SPEN: variants seen among roughly 807,000 people sequenced by gnomAD.
The protein encoded by SPEN is msx2-interacting protein.
Under a neutral mutation model 269.9 loss-of-function variants are expected in SPEN, and 18 were observed. That is an observed-to-expected ratio of 0.07 (90% confidence interval 0.05 to 0.10). SPEN has a LOEUF of 0.10. SPEN is among the 10% of genes least tolerant of loss of function. The probability of loss-of-function intolerance (pLI) is 1.00; values close to 1 mark genes in which losing one functional copy is unlikely to be tolerated. For synonymous variants in SPEN, 1,726 were observed against 1,765.7 expected, an observed-to-expected ratio of 0.98 and a Z score of 0.56; for missense variants, 3,822 against 4,631.2, an observed-to-expected ratio of 0.83 and a Z score of 5.07.
chr1:15,931,269 G>C lies in SPEN; in HGVS notation c.5029G>C (p.Ala1677Pro). Residue 1677 changes from alanine (A) to proline (P), a missense_variant, in exon 11 of 15, where the codon GCT becomes CCT. Ala to Pro is a conservative substitution (Grantham distance 27). This residue lies in a region of SPEN where 533 missense variants were observed against 618.8 expected (regional missense o/e 0.86). Coordinates refer to ENST00000375759, the MANE Select transcript of SPEN (RefSeq NM_015001.3). The surrounding 1 kb of genome is among the most constrained non-coding windows in gnomAD (Gnocchi z 4.8). ...AACAGAAGAGAAGACTGTGGAGCCA[G>C]CTACCGTCTCAGAAGAAGCAAAGCC... ...LVTEEKTVEPATVSEEAKPAS... is the reference protein window; with the variant it reads ...LVTEEKTVEPPTVSEEAKPAS... 1 of 1,614,166 alleles carries C rather than the reference G, an allele frequency of 6.2e-7. No homozygotes were observed.
chr1:15,932,959 C>G lies in SPEN; in HGVS notation c.6719C>G (p.Pro2240Arg), dbSNP rs117344991. The G allele has an allele frequency of 6.2e-6, 10 of 1,614,086 alleles. No homozygotes were observed. The African/African-American group carries it at 1.2e-4, about 19-fold the overall frequency. The change falls in exon 11 of 15, where the codon CCT becomes CGT. Residue 2240 changes from proline (P) to arginine (R), a missense_variant. This residue lies in a region of SPEN where 727 missense variants were observed against 737.9 expected (regional missense o/e 0.99). Transcript: ENST00000375759. This position sits in a 1 kb window ranked among gnomAD's most constrained non-coding sequence, Gnocchi z 4.2. ...AACTTCCCAGCACCTCCACCTTATC[C>G]TGGAGAATCCCAGACAGATCTGCAA... is the stretch of plus-strand genomic sequence containing the variant. ...PENFPAPPPY[P>R]GESQTDLQPP...
At chr1:15,885,821 A>G (rs1338551923) in intron 3 of SPEN, among the ~76,000 whole-genome samples, 2 of 152,180 alleles carry the variant, frequency 1.3e-5, no homozygotes, top group Non-Finnish European at 2.9e-5. Flanking sequence ...TTTTTTTCCC[A>G]TCAGTGGCAG....
chr1:15,931,851 G>A lies in SPEN; in HGVS notation c.5611G>A (p.Glu1871Lys), dbSNP rs2071224039. The A allele has an allele frequency of 6.2e-7, 1 of 1,614,126 alleles. No individual in the cohort carries two copies. Among genetic ancestry groups the A allele is most frequent in the African/African-American group, 1.3e-5 (1 of 74,944 alleles). ...ACAGAAGCTTTTGGAATTGAAGATG[G>A]AGGCAGAGAAGATTACAAGGACTGC... ...EAQKLLELKM[E>K]AEKITRTASK... The change falls in exon 11 of 15, where the codon GAG becomes AAG. Residue 1871 changes from glutamate (E) to lysine (K), a missense_variant. Transcript: ENST00000375759. The surrounding 1 kb of genome is among the most constrained non-coding windows in gnomAD (Gnocchi z 4.8).
At position 15,928,256 on chromosome 1, in the gene SPEN, A is replaced by T; in HGVS notation, c.2016A>T (p.Arg672=). 1 of 1,614,180 alleles carries T rather than the reference A, an allele frequency of 6.2e-7. No individual in the cohort carries two copies. The highest frequency in any genetic ancestry group is 1.1e-5 in the South Asian group (1 of 91,086). ...ETYQGDYYES[R]YYDDPREYRD... ...ACCAAGGAGACTACTATGAATCACG[A>T]TACTACGATGATCCTCGGGAATACA... Residue 672 remains arginine, a synonymous_variant, in exon 11 of 15, where the codon CGA becomes CGT. Transcript: ENST00000375759. The surrounding 1 kb of genome is among the most constrained non-coding windows in gnomAD (Gnocchi z 5.7).
In SPEN at chr1:15,922,326, T is replaced by G; in HGVS notation, c.1827T>G (p.Phe609Leu). 6.2e-7 allele frequency: 1 copy of G among 1,606,680 alleles called. No homozygotes were observed. The highest frequency in any genetic ancestry group is 8.5e-7 in the Non-Finnish European group (1 of 1,178,196). Residue 609 changes from phenylalanine to leucine, a missense_variant, in exon 10 of 15, where the codon TTT becomes TTG. This residue lies in a region of SPEN where 230 missense variants were observed against 426.1 expected (regional missense o/e 0.54). Coordinates refer to ENST00000375759, the MANE Select transcript of SPEN (RefSeq NM_015001.3). ...MEKSGQDIRD[F>L]YEMLAERREE... Reference sequence around the variant, plus strand: ...AATCTGGTCAAGACATCAGAGACTTTTATGAAATGTTAGCCGAAAGAAGGT... The same window carrying G: ...AATCTGGTCAAGACATCAGAGACTTGTATGAAATGTTAGCCGAAAGAAGGT...
chr1:15,929,327 G>C lies in SPEN; in HGVS notation c.3087G>C (p.Leu1029=). The C allele has an allele frequency of 1.2e-6, 2 of 1,613,874 alleles. No homozygotes were observed. Among genetic ancestry groups the C allele is most frequent in the African/African-American group, 1.3e-5 (1 of 75,010 alleles). The change falls in exon 11 of 15, where the codon CTG becomes CTC. Residue 1029 remains leucine (L), a synonymous_variant. Transcript: ENST00000375759. This position sits in a 1 kb window ranked among gnomAD's most constrained non-coding sequence, Gnocchi z 5.8. ...QPDVSSREVI[L]LREGEAERKP... ...ACGTGTCCTCTAGAGAGGTCATTCT[G>C]CTGAGGGAAGGAGAGGCTGAAAGAA... is the stretch of plus-strand genomic sequence containing the variant.
rs553278159 is a variant in SPEN, at chr1:15,868,950, A to G, written c.84-3866A>G. Among the ~76,000 whole-genome samples, 20 of 152,322 alleles carry G rather than the reference A, an allele frequency of 1.3e-4. 1 individual carries two copies. The South Asian group carries it at 3.9e-3, about 30-fold the overall frequency. ...TATATGATTTCAAGTTACATGCTAC[A>G]TTTAGTGTGTTGAAATATGGGGATA... On this transcript the variant is annotated intron_variant, in intron 1 of 14. Coordinates refer to ENST00000375759, the MANE Select transcript of SPEN (RefSeq NM_015001.3).
intron 10 of SPEN, among the ~76,000 whole-genome samples, chr1:15,923,042 A>G (rs554391936): frequency 1.1e-4 from 17 of 152,342 alleles, no homozygotes; most frequent in South Asian, 4.1e-4. Context: ...AATGACAACA[A>G]CCAGGTTGTA....
intron 3 of SPEN, among the ~76,000 whole-genome samples, chr1:15,886,630 A>G (rs1019622384): frequency 1.3e-5 from 2 of 152,124 alleles, no homozygotes; most frequent in Non-Finnish European, 2.9e-5. Context: ...TTTTTAATAC[A>G]TCTTTCTGTT....
At chr1:15,898,173 T>TTGTGTGTGTGTGTG (rs58297957) in intron 3 of SPEN, among the ~76,000 whole-genome samples, 40 of 147,388 alleles carry the variant, frequency 2.7e-4, no homozygotes, top group African/African-American at 7.0e-4. Flanking sequence ...TAATTTATCT[T>TTGTGTGTGTGTGTG]TGTGTGTGTG....
chr1:15,847,917 G>T lies in SPEN; in HGVS notation c.-151G>T, dbSNP rs533233390. On this transcript the variant is annotated 5_prime_UTR_variant, in exon 1 of 15. Transcript: ENST00000375759. Reference sequence around the variant, plus strand: ...TGGGGGAGAGGGATGGTCTCTGCACGGGGGGGAGCCGGAGGAGCCGCCGCC... The same window carrying T: ...TGGGGGAGAGGGATGGTCTCTGCACTGGGGGGAGCCGGAGGAGCCGCCGCC... 31 of 327,506 alleles carry T rather than the reference G, an allele frequency of 9.5e-5. No individual in the cohort carries two copies. Among genetic ancestry groups the T allele is most frequent in the South Asian group, 2.7e-4 (2 of 7,518 alleles). 20.3% of individuals were successfully genotyped at this position (327,506 alleles called of 1,614,324 possible). A position where few individuals can be genotyped will look rare whatever the true frequency, so the allele number is the denominator to read the frequency against.
In SPEN at chr1:15,853,067, G is replaced by T. The variant is rs72882573; in HGVS notation, c.83+4917G>T. ...GGTCTCCCTATGTTGCCCAGCCCTG[G>T]TCTTGAACTCCTGGGCTCAAGTGAT... On this transcript the variant is annotated intron_variant, in intron 1 of 14. Transcript: ENST00000375759. Among the ~76,000 whole-genome samples, 1,096 of 152,276 alleles carry T rather than the reference G, an allele frequency of 7.2e-3. 24 individuals are homozygous for T. Among genetic ancestry groups the T allele is most frequent in the African/African-American group, 0.025 (1,039 of 41,556 alleles).
intron 3 of SPEN, among the ~76,000 whole-genome samples, chr1:15,877,324 A>G (rs1485997844): frequency 6.6e-6 from 1 of 152,198 alleles, no homozygotes; most frequent in Non-Finnish European, 1.5e-5. Context: ...GCTGGAGTGC[A>G]GTGGTGTAGC....
chr1:15,894,541 T>TTG (rs1463816975), intron 3 of SPEN, among the ~76,000 whole-genome samples: 5 of 143,372 alleles, frequency 3.5e-5, no homozygotes, highest in African/African-American at 1.3e-4. Flanking sequence ...TGGTTGTTTT[T>TTG]TTTTTTTTTT....
At position 15,939,267 on chromosome 1, in the gene SPEN, TC is replaced by T. The variant is rs750214856; in HGVS notation, c.10864-26del. The T allele has an allele frequency of 5.2e-6, 8 of 1,532,090 alleles. No homozygotes were observed. The South Asian group carries it at 1.0e-4, about 19-fold the overall frequency. 94.9% of individuals were successfully genotyped at this position (1,532,090 alleles called of 1,614,324 possible). A position where few individuals can be genotyped will look rare whatever the true frequency, so the allele number is the denominator to read the frequency against. On this transcript the variant is annotated intron_variant, in intron 14 of 14. Transcript: ENST00000375759. The surrounding 1 kb of genome is among the most constrained non-coding windows in gnomAD (Gnocchi z 4.1). ...GAGTTGTGGGGGTGAAGACAGACGG[TC>T]CCACTTTGCTCTCTATCCTGTCTCC...
chr1:15,892,322 CTCT>C (rs1260559947), intron 3 of SPEN, among the ~76,000 whole-genome samples: 1 of 152,116 alleles, frequency 6.6e-6, no homozygotes, highest in Admixed American at 6.6e-5. Context: ...CTGCTCCCAG[CTCT>C]TCGTTTTACT....
chr1:15,874,622 T>C (rs2070613500), intron 2 of SPEN, among the ~76,000 whole-genome samples: 3 of 152,210 alleles, frequency 2.0e-5, no homozygotes, highest in Admixed American at 2.0e-4. Context: ...CCTAGAACTT[T>C]TTTGCCTGTT....
Position 15,936,128 on chromosome 1 carries a change from G to A in SPEN, c.9888G>A (p.Val3296=). The change falls in exon 11 of 15, where the codon GTG becomes GTA. Residue 3296 remains valine, a synonymous_variant. Coordinates refer to ENST00000375759, the MANE Select transcript of SPEN (RefSeq NM_015001.3). ...TGGTGACCCATGGGGTGCAGATTGT[G>A]CACTCCAGCGGGGAGCTGTTTCAAG... is the stretch of plus-strand genomic sequence containing the variant. ...PVVVTHGVQI[V]HSSGELFQEY... is the part of the protein sequence containing the mutation. 6.2e-7 allele frequency: 1 copy of A among 1,611,702 alleles called. No homozygotes were observed. Among genetic ancestry groups the A allele is most frequent in the South Asian group, 1.1e-5 (1 of 90,970 alleles).
chr1:15,935,977 CCCCTGCCCCCGTCCCTGT>C lies in SPEN; in HGVS notation c.9743_9760del (p.Ala3248_Pro3253del), dbSNP rs759813238. ...GATGCCAAAGCTGCCCCCACCCCCA[CCCCTGCCCCCGTCCCTGT>C]CCCTGTCCCCCTTCCTGCCCCTGCT... On this transcript the variant is annotated inframe_deletion, in exon 11 of 15. Transcript: ENST00000375759. This position sits in a 1 kb window ranked among gnomAD's most constrained non-coding sequence, Gnocchi z 7.7. The C allele has an allele frequency of 8.3e-6, 13 of 1,563,254 alleles. No individual in the cohort carries two copies. The South Asian group carries it at 1.5e-4, about 18-fold the overall frequency.
Sources: allele counts gnomAD v4.1 joint callset (sites outside exome capture counted in the v4.1 genomes callset), GRCh38; gene constraint gnomAD v4.1.1; regional missense constraint gnomAD v4.1.1; non-coding constraint Gnocchi (gnomAD v3.1); transcripts MANE v1.5; gene names NCBI Gene and HGNC (gene_info 2026-07-23, HGNC 2026-07-21).